Variants in SUGCT observed in about 807,000 individuals in gnomAD.
SUGCT encodes succinyl-CoA:glutarate CoA-transferase.
In SUGCT, 41 loss-of-function variants were observed where a neutral mutation model predicts 55.0. That is an observed-to-expected ratio of 0.74 (90% CI 0.58 to 0.97). The LOEUF is 0.97. SUGCT is among the 50% of genes least tolerant of loss of function. The pLI, the probability that SUGCT is intolerant of heterozygous loss-of-function variation, is 0.00. For synonymous variants in SUGCT, 187 were observed against 200.4 expected, an observed-to-expected ratio of 0.93 and a Z score of 0.56; for missense variants, 568 against 547.8, an observed-to-expected ratio of 1.04 and a Z score of -0.37.
chr7:40,558,496 ATAAG>A (rs1241547977), intron 12 of SUGCT, among the ~76,000 whole-genome samples: 3 of 152,254 alleles, frequency 2.0e-5, no homozygotes, highest in Admixed American at 6.5e-5. Flanking sequence ...GCTAAGTAAA[ATAAG>A]TAGGGACAAA....
rs780763766 is a variant in SUGCT, at chr7:40,237,679, G to T, written c.529G>T (p.Ala177Ser). 1.2e-6 allele frequency: 2 copies of T among 1,613,914 alleles called. No homozygotes were observed. The highest frequency in any genetic ancestry group is 2.2e-5 in the South Asian group (2 of 91,076). Residue 177 changes from alanine to serine, a missense_variant, in exon 7 of 14, where the codon GCT (alanine) becomes TCT (serine). Ala to Ser is a moderately conservative substitution (Grantham distance 99). Coordinates refer to ENST00000335693, the MANE Select transcript of SUGCT (RefSeq NM_001193313.2). ...GPISQRAGYD[A>S]VASAVSGLMH... Reference sequence around the variant, plus strand: ...AATTTCTCAGCGAGCTGGTTATGATGCTGTTGCCTCGGCTGTTTCTGGTCT... The same window carrying T: ...AATTTCTCAGCGAGCTGGTTATGATTCTGTTGCCTCGGCTGTTTCTGGTCT...
At chr7:40,876,706 G>T in the SUGCT span, among the ~76,000 whole-genome samples, 2,449 of 152,224 alleles carry the variant, frequency 0.016, 71 homozygotes, top group African/African-American at 0.055. Context: ...GTTGTCTCAG[G>T]CCCATGGGAG....
the SUGCT span, among the ~76,000 whole-genome samples, chr7:40,874,295 T>A: frequency 6.6e-6 from 1 of 152,118 alleles, no homozygotes; most frequent in African/African-American, 2.4e-5. Context: ...GTGTATAGAG[T>A]GGACCAAAAC....
chr7:40,852,278 C>T (rs759198155), intron 13 of SUGCT, among the ~76,000 whole-genome samples: 15 of 152,066 alleles, frequency 9.9e-5, no homozygotes, highest in Admixed American at 2.6e-4. Flanking sequence ...TCAGTGTGTC[C>T]TCTCATTCTA....
the SUGCT span, among the ~76,000 whole-genome samples, chr7:41,002,136 T>C: frequency 1.1e-3 from 164 of 152,276 alleles, no homozygotes; most frequent in Non-Finnish European, 1.8e-3. Context: ...TTCTCCTGCC[T>C]CAGCCTCCTG....
chr7:40,438,116 A>ACAT (rs1788272684), intron 9 of SUGCT, among the ~76,000 whole-genome samples: 1 of 152,112 alleles, frequency 6.6e-6, no homozygotes, highest in African/African-American at 2.4e-5. Flanking sequence ...AATGAGGCTA[A>ACAT]CATGCCTGGA....
intron 9 of SUGCT, among the ~76,000 whole-genome samples, chr7:40,427,748 C>T (rs1310905884): frequency 1.3e-5 from 2 of 151,980 alleles, no homozygotes; most frequent in African/African-American, 2.4e-5. Context: ...AGAGGCCTTC[C>T]GATTGTAATG....
At chr7:40,290,061 A>C (rs1221469237) in intron 8 of SUGCT, among the ~76,000 whole-genome samples, 54 of 152,218 alleles carry the variant, frequency 3.5e-4, no homozygotes, top group South Asian at 2.1e-4. Context: ...AATCAATATC[A>C]TGAAAATGGC....
At chr7:40,349,161 T>C (rs1797479171) in intron 9 of SUGCT, among the ~76,000 whole-genome samples, 1 of 152,206 alleles carries the variant, frequency 6.6e-6, no homozygotes, top group East Asian at 1.9e-4. Context: ...TCTTTAATAC[T>C]CATCACTATT....
intron 7 of SUGCT, among the ~76,000 whole-genome samples, chr7:40,273,968 T>G (rs1792283924): frequency 6.6e-6 from 1 of 152,180 alleles, no homozygotes; most frequent in South Asian, 2.1e-4. Context: ...GCTAACAGCT[T>G]TTTATGGGTA....
chr7:40,135,496 T>C (rs1485130882), intron 1 of SUGCT, among the ~76,000 whole-genome samples: 2 of 152,260 alleles, frequency 1.3e-5, no homozygotes, highest in Admixed American at 1.3e-4. Context: ...TTGAATAACT[T>C]GACACTTCAT....
At chr7:40,734,982 A>C (rs551921323) in intron 12 of SUGCT, among the ~76,000 whole-genome samples, 1 of 152,308 alleles carries the variant, frequency 6.6e-6, no homozygotes, top group South Asian at 2.1e-4. Flanking sequence ...AGGACTAATC[A>C]AAACTCACAG....
chr7:40,794,706 A>G (rs1419684159), intron 13 of SUGCT, among the ~76,000 whole-genome samples: 1 of 152,076 alleles, frequency 6.6e-6, no homozygotes, highest in Non-Finnish European at 1.5e-5. Context: ...TGCCTTCCGG[A>G]AAGATTTTTT....
At chr7:40,548,600 C>T (rs1795137869) in intron 12 of SUGCT, among the ~76,000 whole-genome samples, 1 of 151,998 alleles carries the variant, frequency 6.6e-6, no homozygotes, top group African/African-American at 2.4e-5. Flanking sequence ...CCCACATATC[C>T]ATAGTGTCCC....
chr7:40,860,493 C>T lies in SUGCT; in HGVS notation c.*14C>T, dbSNP rs756743705. 6.2e-7 allele frequency: 1 copy of T among 1,605,232 alleles called. No homozygotes were observed. The highest frequency in any genetic ancestry group is 8.5e-7 in the Non-Finnish European group (1 of 1,173,904). On this transcript the variant is annotated 3_prime_UTR_variant, in exon 14 of 14. Transcript: ENST00000335693. ...GAAACTCACTGACAAAGGAAAAGGG[C>T]TCTTCCTCATAACCTCGATCCGAAT...
chr7:40,268,972 GA>G (rs1327265701), intron 7 of SUGCT, among the ~76,000 whole-genome samples: 1 of 152,152 alleles, frequency 6.6e-6, no homozygotes, highest in Non-Finnish European at 1.5e-5. Context: ...ACCCCTTAGT[GA>G]AATTGCTGGG....
intron 8 of SUGCT, among the ~76,000 whole-genome samples, chr7:40,301,086 G>C (rs1794510390): frequency 6.6e-6 from 1 of 151,988 alleles, no homozygotes; most frequent in African/African-American, 2.4e-5. Flanking sequence ...CATGTCACTG[G>C]GTATTATTAT....
chr7:40,287,325 A>AAT, intron 8 of SUGCT, among the ~76,000 whole-genome samples: 1 of 152,214 alleles, frequency 6.6e-6, no homozygotes, highest in South Asian at 2.1e-4. Flanking sequence ...TCTCCTCTCC[A>AAT]ATATGAATGC....
intron 12 of SUGCT, among the ~76,000 whole-genome samples, chr7:40,565,991 ACG>A (rs746788227): frequency 0.091 from 8,929 of 98,492 alleles, 287 homozygotes; most frequent in African/African-American, 0.14. Context: ...ACACACACAC[ACG>A]CACACACACA....
Sources: allele counts gnomAD v4.1 joint callset (sites outside exome capture counted in the v4.1 genomes callset), GRCh38; gene constraint gnomAD v4.1.1; transcripts MANE v1.5; gene names NCBI Gene and HGNC (gene_info 2026-07-23, HGNC 2026-07-21).